The following AEN variants were observed in gnomAD, a reference collection of about 807,000 sequenced individuals.
AEN encodes the protein apoptosis enhancing nuclease, also known as apoptosis-enhancing nuclease.
Under a neutral mutation model 17.7 loss-of-function variants are expected in AEN, and 21 were observed. That is an observed-to-expected ratio of 1.19 (90% CI 0.84 to 1.71). The LOEUF is 1.71. Among genes scored for constraint, AEN ranks in the 40% most tolerant of loss-of-function variants. The probability of loss-of-function intolerance (pLI) is 0.00; values close to 1 mark genes in which losing one functional copy is unlikely to be tolerated. For synonymous variants in AEN, 190 were observed against 173.0 expected, an observed-to-expected ratio of 1.10 and a Z score of -0.77; for missense variants, 462 against 435.9, an observed-to-expected ratio of 1.06 and a Z score of -0.53.
upstream of AEN, among the ~76,000 whole-genome samples, chr15:88,618,924 A>G (rs6496510): frequency 5.0e-3 from 767 of 152,228 alleles, 7 homozygotes; most frequent in African/African-American, 0.018. Flanking sequence ...CTCCCACTTC[A>G]GCCTCCCCAG....
chr15:88,630,109 C>G lies in AEN; in HGVS notation c.793C>G (p.Leu265Val). ...SVEDATTAME[L>V]YRLVEVQWEQ... ...AGAAGATGCCACGACAGCCATGGAG[C>G]TCTACCGGCTGGTGGAGGTGCAGTG... The change falls in exon 4 of 4, where the codon CTC becomes GTC. Residue 265 changes from leucine (L) to valine (V), a missense_variant. Transcript: ENST00000332810. This position sits in a 1 kb window ranked among gnomAD's most constrained non-coding sequence, Gnocchi z 5.1. 6.2e-7 allele frequency: 1 copy of G among 1,614,082 alleles called. No homozygotes were observed. Among genetic ancestry groups the G allele is most frequent in the Non-Finnish European group, 8.5e-7 (1 of 1,180,016 alleles).
upstream of AEN, among the ~76,000 whole-genome samples, chr15:88,619,989 A>G (rs1567100435): frequency 6.6e-6 from 1 of 152,126 alleles, no homozygotes; most frequent in Non-Finnish European, 1.5e-5. Flanking sequence ...TCAAATGCAG[A>G]TTCACTGGTA....
At chr15:88,626,062 G>A (rs924454937) in intron 1 of AEN, 84 bp from the exon 2 acceptor site, 12 of 898,984 alleles carry the variant, frequency 1.3e-5, no homozygotes, top group Non-Finnish European at 1.8e-5. Flanking sequence ...CCCCACCGTG[G>A]TGCACTGCAG....
the AEN span, among the ~76,000 whole-genome samples, chr15:88,606,108 G>C: frequency 6.6e-6 from 1 of 152,320 alleles, no homozygotes; most frequent in East Asian, 1.9e-4. Flanking sequence ...GATTGCAGGC[G>C]GTGAGCAAAG....
chr15:88,625,856 A>G (rs2057844423), intron 1 of AEN, among the ~76,000 whole-genome samples: 1 of 152,132 alleles, frequency 6.6e-6, no homozygotes, highest in Admixed American at 6.5e-5. Flanking sequence ...AAGTTTCTTC[A>G]CCTCTGTGCC....
Position 88,631,256 on chromosome 15 carries a change from T to C in AEN, c.*962T>C, listed in dbSNP as rs948822780. The stretch of plus-strand genomic sequence containing the variant: ...GTGGAGTCTGCGTGTCTCCTGGGGC[T>C]GGGGCAGGGCATTGGCAGTTACGCA... On this transcript the variant is annotated 3_prime_UTR_variant, in exon 4 of 4. Transcript: ENST00000332810. 6.9e-5 allele frequency: 30 copies of C among 436,660 alleles called. No homozygotes were observed. Among genetic ancestry groups the C allele is most frequent in the Non-Finnish European group, 1.4e-4 (29 of 211,450 alleles). The allele number at this position is 436,660 out of a possible 1,614,324, so 27.0% of individuals were successfully genotyped here.
chr15:88,605,392 T>C, the AEN span, among the ~76,000 whole-genome samples: 1 of 152,190 alleles, frequency 6.6e-6, no homozygotes, highest in African/African-American at 2.4e-5. The surrounding 1 kb of genome is among the most constrained non-coding windows in gnomAD (Gnocchi z 7.6). Context: ...TGCAGCTGAC[T>C]TGTTGCATGC....
rs753155680 is a variant in AEN at position 88,629,295 on chromosome 15, T to TA, written c.611dup (p.Tyr204Ter). 6.2e-7 allele frequency: 1 copy of TA among 1,614,072 alleles called. No homozygotes were observed. The highest frequency in any genetic ancestry group is 8.5e-7 in the Non-Finnish European group (1 of 1,179,994). The change falls in exon 3 of 4, where the codon TAT becomes TAAT. Residue 204 changes from tyrosine (Y) to a stop codon, truncating the protein, a stop_gained and frameshift_variant. Transcript: ENST00000332810. LOFTEE classifies it high-confidence loss of function. ...GCACAACGACTTCCAGGCGCTCAAG[T>TA]ATGTCCACCCTCGGAGCCAGACCCG... ...ALHNDFQALKYVHPRSQTRDT... is the reference protein window; with the variant it reads ...ALHNDFQALK
rs1352493680 is a variant in AEN at position 88,630,178 on chromosome 15, A to G, written c.862A>G (p.Arg288Gly). The G allele has an allele frequency of 1.2e-6, 2 of 1,613,562 alleles. No homozygotes were observed. The highest frequency in any genetic ancestry group is 1.3e-5 in the African/African-American group (1 of 74,914). The change falls in exon 4 of 4, where the codon AGA becomes GGA. Residue 288 changes from arginine to glycine, a missense_variant. Arg to Gly is a moderately radical substitution (Grantham distance 125). Transcript: ENST00000332810. The surrounding 1 kb of genome is among the most constrained non-coding windows in gnomAD (Gnocchi z 5.1). The part of the protein sequence containing the change: ...ARSLWTCPED[R>G]EPDSSTDMEQ... ...CAGCCTCTGGACCTGCCCCGAGGAC[A>G]GAGAACCTGACAGCAGCACAGACAT...
At chr15:88,607,509 C>T in the AEN span, among the ~76,000 whole-genome samples, 5 of 152,312 alleles carry the variant, frequency 3.3e-5, no homozygotes, top group African/African-American at 1.2e-4. Flanking sequence ...TGTTTCATCT[C>T]AAATAAGTCT....
the AEN span, among the ~76,000 whole-genome samples, chr15:88,614,529 T>C: frequency 3.3e-5 from 5 of 152,300 alleles, no homozygotes; most frequent in South Asian, 4.2e-4. Context: ...GGTAACTTTA[T>C]TGGAGTCTCA....
Position 88,626,610 on chromosome 15 carries a change from T to C in AEN, c.401T>C (p.Ile134Thr), listed in dbSNP as rs760454136. The C allele has an allele frequency of 5.0e-6, 8 of 1,613,968 alleles. No homozygotes were observed. Among genetic ancestry groups the C allele is most frequent in the Non-Finnish European group, 6.8e-6 (8 of 1,180,038 alleles). Residue 134 changes from isoleucine (I) to threonine (T), a missense_variant, in exon 2 of 4, where the codon ATT (isoleucine) becomes ACT (threonine). Ile to Thr is a moderately conservative substitution (Grantham distance 89, BLOSUM62 -1). Transcript: ENST00000332810. ...GTAAGCGAGCTGGCCCGCTGTTCCA[T>C]TGTGAGCTACCATGGCAATGTCCTC... ...GRVSELARCS[I>T]VSYHGNVLYD...
chr15:88,608,224 G>A, the AEN span: 2 of 512,792 alleles, frequency 3.9e-6, no homozygotes, highest in South Asian at 2.9e-5. Context: ...CAGAAGGATT[G>A]AATCTGCCTT....
chr15:88,620,229 T>C (rs935271848), upstream of AEN, among the ~76,000 whole-genome samples: 2 of 152,102 alleles, frequency 1.3e-5, no homozygotes, highest in African/African-American at 4.8e-5. Context: ...CTTTGGATTC[T>C]AGGTGTTTCT....
At chr15:88,619,463 G>A (rs2057763644), upstream of AEN, among the ~76,000 whole-genome samples, 1 of 152,324 alleles carries the variant, frequency 6.6e-6, no homozygotes, top group Admixed American at 6.5e-5. Context: ...GCCAAGGTGG[G>A]TGGATCACGA....
At chr15:88,618,524 AG>A (rs2057757042), upstream of AEN, among the ~76,000 whole-genome samples, 1 of 152,252 alleles carries the variant, frequency 6.6e-6, no homozygotes, top group African/African-American at 2.4e-5. Context: ...TAAACATACA[AG>A]TTAATTAATC....
At position 88,622,748 on chromosome 15, in the gene AEN, CCTGGTTTTGGGT is replaced by C. The variant is rs901374517; in HGVS notation, c.-65+1384_-65+1395del. Among the ~76,000 whole-genome samples the C allele has an allele frequency of 2.4e-4, 37 of 152,260 alleles. No individual in the cohort carries two copies. The East Asian group carries it at 3.1e-3, about 13-fold the overall frequency. The stretch of plus-strand genomic sequence containing the variant: ...CAGGCTAAGGTCAGGCAGGCCCAGG[CCTGGTTTTGGGT>C]CTGGTTTTGGGTCTGGTGCGTGGCG... On this transcript the variant is annotated intron_variant, in intron 1 of 3. Transcript: ENST00000332810.
chr15:88,607,804 G>C, the AEN span, among the ~76,000 whole-genome samples: 1 of 151,826 alleles, frequency 6.6e-6, no homozygotes, highest in Non-Finnish European at 1.5e-5. Context: ...TCAAAAATTC[G>C]CTCGGTGAAC....
Position 88,630,287 on chromosome 15 carries a change from G to A in AEN, c.971G>A (p.Arg324Lys), listed in dbSNP as rs1264296374. 3 of 1,579,544 alleles carry A rather than the reference G, an allele frequency of 1.9e-6. No individual in the cohort carries two copies. The highest frequency in any genetic ancestry group is 1.9e-5 in the Admixed American group (1 of 53,668). ...GGAGCCAGGGAGGCACAGGACAGAA[G>A]GAATTGAGAAGGGGGCGGGGCTCCC... is the stretch of plus-strand genomic sequence containing the variant. Reference protein sequence around the residue: ...RGGAREAQDRRN With the variant: ...RGGAREAQDRKN The change falls in exon 4 of 4, where the codon AGG (arginine) becomes AAG (lysine). Residue 324 changes from arginine (R) to lysine (K), a missense_variant. Arg to Lys is a conservative substitution (Grantham distance 26). Transcript: ENST00000332810. This position sits in a 1 kb window ranked among gnomAD's most constrained non-coding sequence, Gnocchi z 5.1.
Sources: gnomAD v4.1 joint callset for allele counts (sites outside exome capture counted in the v4.1 genomes callset) on GRCh38, gnomAD v4.1.1 for gene constraint, Gnocchi (gnomAD v3.1) non-coding constraint, MANE v1.5 for transcripts, NCBI Gene and HGNC (gene_info 2026-07-23, HGNC 2026-07-21) for gene names.